SLFN5: variants seen among roughly 807,000 people sequenced by gnomAD.
SLFN5 encodes the protein schlafen family member 5.
SLFN5 carries 34 observed loss-of-function variants against 48.5 expected under a neutral mutation model. The observed-to-expected ratio is 0.70, with a 90% confidence interval of 0.53 to 0.93. The LOEUF (loss-of-function observed/expected upper bound fraction) is 0.93, where lower values mean the gene tolerates loss of function less well. Among genes scored for constraint, SLFN5 ranks in the 40% least tolerant of loss-of-function variants. The probability of loss-of-function intolerance (pLI) is 0.00; values close to 1 mark genes in which losing one functional copy is unlikely to be tolerated. For missense variants in SLFN5, 1,006 were observed against 1,071.3 expected (o/e 0.94, Z 0.85); for synonymous variants, 387 against 396.2 (o/e 0.98, Z 0.28).
chr17:35,254,092 T>C (rs948815670), intron 1 of SLFN5, among the ~76,000 whole-genome samples: 7 of 152,254 alleles, frequency 4.6e-5, no homozygotes, highest in African/African-American at 7.2e-5. Flanking sequence ...TCGGAGTTTA[T>C]ATTATCATGA....
rs58644233 is a variant in SLFN5, at chr17:35,266,142, A to ATGTGTGTGTGTGTGTGTG, written c.*273_*290dup. 1.2e-5 allele frequency: 3 copies of ATGTGTGTGTGTGTGTGTG among 240,428 alleles called. No individual in the cohort carries two copies. The highest frequency in any genetic ancestry group is 1.6e-5 in the Non-Finnish European group (2 of 125,216). 14.9% of individuals were successfully genotyped at this position (240,428 alleles called of 1,614,324 possible). On this transcript the variant is annotated 3_prime_UTR_variant, in exon 5 of 5. Coordinates refer to ENST00000299977, the MANE Select transcript of SLFN5 (RefSeq NM_144975.4). ...AATTAGAGGACCGTGAGACTCAGAG[A>ATGTGTGTGTGTGTGTGTG]TGTGTGTGTGTGTGTGTGTGTGTGT...
chr17:35,260,329 G>T (rs1031915219), intron 2 of SLFN5, among the ~76,000 whole-genome samples: 4 of 152,106 alleles, frequency 2.6e-5, no homozygotes, highest in Admixed American at 2.0e-4. Flanking sequence ...CTTCTTCAAA[G>T]GTCCAGAAAA....
In SLFN5 at chr17:35,268,168, C is replaced by G. The variant is rs1255124587; in HGVS notation, c.*2280C>G. The G allele has an allele frequency of 2.0e-5, 3 of 152,224 alleles. No homozygotes were observed. Among genetic ancestry groups the G allele is most frequent in the Non-Finnish European group, 2.9e-5 (2 of 68,094 alleles). The allele number at this position is 152,224 out of a possible 1,614,324, so 9.4% of individuals were successfully genotyped here. On this transcript the variant is annotated 3_prime_UTR_variant, in exon 5 of 5. Transcript: ENST00000299977. ...ACACAAAAGTAGATGGAAGACACCA[C>G]CCAGGCCTCCAGCTATACACTGGAG...
intron 1 of SLFN5, among the ~76,000 whole-genome samples, chr17:35,248,800 C>T (rs1485161470): frequency 6.6e-6 from 1 of 152,176 alleles, no homozygotes; most frequent in African/African-American, 2.4e-5. Context: ...ATTTAGAATT[C>T]TTCTAGGTAC....
At chr17:35,259,779 A>G in intron 2 of SLFN5, 77 bp downstream of exon 2, 1 of 1,490,218 alleles carries the variant, frequency 6.7e-7, no homozygotes, top group Non-Finnish European at 9.0e-7. Flanking sequence ...AAAGAGGGAT[A>G]TGGTATTCCT....
rs928012359 is a variant in SLFN5 at position 35,267,395 on chromosome 17, T to C, written c.*1507T>C. The C allele has an allele frequency of 3.3e-5, 5 of 152,006 alleles. No homozygotes were observed. The highest frequency in any genetic ancestry group is 1.2e-4 in the African/African-American group (5 of 41,382). The allele number at this position is 152,006 out of a possible 1,614,324, so 9.4% of individuals were successfully genotyped here. On this transcript the variant is annotated 3_prime_UTR_variant, in exon 5 of 5. Coordinates refer to ENST00000299977, the MANE Select transcript of SLFN5 (RefSeq NM_144975.4). ...ACATCTAATAGATATGTATGAAAAT[T>C]TAAAAACTAGAAAAGGTTGGGCATG...
chr17:35,253,376 C>CTCTT (rs34391165), intron 1 of SLFN5, among the ~76,000 whole-genome samples: 2 of 151,842 alleles, frequency 1.3e-5, no homozygotes. Flanking sequence ...CTCTCTCTCT[C>CTCTT]TTTTAAATCT....
At chr17:35,263,765 G>A (rs2142703758) in intron 3 of SLFN5, among the ~76,000 whole-genome samples, 2 of 143,892 alleles carry the variant, frequency 1.4e-5, no homozygotes, top group South Asian at 4.3e-4. Flanking sequence ...AGAAGTTGCA[G>A]TGAGCCGAGA....
At position 35,264,621 on chromosome 17, in the gene SLFN5, T is replaced by C; in HGVS notation, c.1577T>C (p.Met526Thr). ...TATAACTTCATGACCCCCCAGCACA[T>C]GGAAGCCCTGTTACAGTCCCTCGTG... ...ESYNFMTPQH[M>T]EALLQSLVIV... The change falls in exon 4 of 5, where the codon ATG (methionine) becomes ACG (threonine). Residue 526 changes from methionine (M) to threonine (T), a missense_variant. Transcript: ENST00000299977. 6.2e-7 allele frequency: 1 copy of C among 1,614,210 alleles called. No individual in the cohort carries two copies. Among genetic ancestry groups the C allele is most frequent in the Non-Finnish European group, 8.5e-7 (1 of 1,180,036 alleles).
Position 35,265,277 on chromosome 17 carries a change from T to C in SLFN5, c.2065T>C (p.Tyr689His), listed in dbSNP as rs745717171. The change falls in exon 5 of 5, where the codon TAT becomes CAT. Residue 689 changes from tyrosine to histidine, a missense_variant. Physicochemically the swap from Tyr to His is moderately conservative, Grantham distance 83. Coordinates refer to ENST00000299977, the MANE Select transcript of SLFN5 (RefSeq NM_144975.4). ...GATCTTTCTGGACTACTTTCAGACC[T>C]ATCACTTGAGTTGCAGTGGCCTCCC... ...LWIFLDYFQT[Y>H]HLSCSGLPPP... is the part of the protein sequence containing the mutation. The C allele has an allele frequency of 1.9e-6, 3 of 1,614,058 alleles. No individual in the cohort carries two copies. The African/African-American group carries it at 4.0e-5, about 22-fold the overall frequency.
rs764264833 is a variant in SLFN5 at position 35,265,494 on chromosome 17, T to C, written c.2282T>C (p.Ile761Thr). Residue 761 changes from isoleucine to threonine, a missense_variant, in exon 5 of 5, where the codon ATT becomes ACT. Coordinates refer to ENST00000299977, the MANE Select transcript of SLFN5 (RefSeq NM_144975.4). ...AQGVPGNLEI[I>T]EDLNLEEILI... ...GGTGTCCCAGGCAACTTAGAGATTA[T>C]TGAAGACTTGAACTTGGAGGAGATA... 1 of 1,614,138 alleles carries C rather than the reference T, an allele frequency of 6.2e-7. No homozygotes were observed. Among genetic ancestry groups the C allele is most frequent in the African/African-American group, 1.3e-5 (1 of 74,940 alleles).
chr17:35,263,687 G>A (rs1403761114), intron 3 of SLFN5, among the ~76,000 whole-genome samples: 5 of 151,908 alleles, frequency 3.3e-5, no homozygotes, highest in African/African-American at 9.7e-5. Context: ...GCCAGGCTTG[G>A]TGGCACACGC....
intron 2 of SLFN5, among the ~76,000 whole-genome samples, 191 bp from the exon 3 acceptor site, chr17:35,260,780 G>C (rs1479230245): frequency 6.6e-6 from 1 of 152,126 alleles, no homozygotes; most frequent in Non-Finnish European, 1.5e-5. Flanking sequence ...AAAAAGTGTT[G>C]CTTTATGCTA....
chr17:35,256,608 A>T (rs550702718), intron 1 of SLFN5, among the ~76,000 whole-genome samples: 28 of 152,160 alleles, frequency 1.8e-4, no homozygotes, highest in Non-Finnish European at 1.9e-4. Context: ...TTTCCTAAAG[A>T]CACAAAGCTG....
Position 35,271,181 on chromosome 17 carries a change from G to A in SLFN5, c.*5293G>A, listed in dbSNP as rs1013325090. 3.3e-5 allele frequency: 5 copies of A among 152,130 alleles called. No individual in the cohort carries two copies. The highest frequency in any genetic ancestry group is 1.2e-4 in the African/African-American group (5 of 41,418). 9.4% of individuals were successfully genotyped at this position (152,130 alleles called of 1,614,324 possible). A position where few individuals can be genotyped will look rare whatever the true frequency, so the allele number is the denominator to read the frequency against. ...TAGATTTTCTGACTTGGAACAAGTA[G>A]GAATAATGTACTTATAGTATTCATC... On this transcript the variant is annotated 3_prime_UTR_variant, in exon 5 of 5. Coordinates refer to ENST00000299977, the MANE Select transcript of SLFN5 (RefSeq NM_144975.4).
chr17:35,245,874 T>C (rs1272100133), intron 1 of SLFN5, among the ~76,000 whole-genome samples: 2 of 151,920 alleles, frequency 1.3e-5, no homozygotes, highest in African/African-American at 2.4e-5. Flanking sequence ...GTGGAATGGC[T>C]GGGTCATATG....
At chr17:35,260,849 G>C in intron 2 of SLFN5, 122 bp from the exon 3 acceptor site, 1 of 1,263,070 alleles carries the variant, frequency 7.9e-7, no homozygotes, top group Non-Finnish European at 1.1e-6. Context: ...GAGATGTAAA[G>C]GCAAGTATCT....
At chr17:35,265,027 CT>C (rs36075495) in intron 4 of SLFN5, 44 bp from the exon 5 acceptor site, 110,954 of 1,568,004 alleles carry the variant, frequency 0.071, 6,035 homozygotes, top group East Asian at 0.26. Flanking sequence ...GTAGAATCTG[CT>C]TTCTTTGTTT....
chr17:35,245,623 A>G (rs1252003292), intron 1 of SLFN5, among the ~76,000 whole-genome samples: 1 of 152,048 alleles, frequency 6.6e-6, no homozygotes, highest in African/African-American at 2.4e-5. Context: ...ACTCAGCATC[A>G]TTGTTTTCAG....
Sources: allele counts gnomAD v4.1 joint callset (sites outside exome capture counted in the v4.1 genomes callset), GRCh38; gene constraint gnomAD v4.1.1; transcripts MANE v1.5; gene names NCBI Gene and HGNC (gene_info 2026-07-23, HGNC 2026-07-21).